TBCA: variants seen among roughly 807,000 people sequenced by gnomAD.
The protein encoded by TBCA is tubulin-specific chaperone A.
TBCA carries 6 observed loss-of-function variants against 15.8 expected under a neutral mutation model. The observed-to-expected ratio is 0.38, with a 90% CI of 0.21 to 0.75. TBCA has a LOEUF of 0.75. Ranked by LOEUF, TBCA falls within the 30% of genes least tolerant of loss-of-function variation. The pLI, the probability that TBCA is intolerant of heterozygous loss-of-function variation, is 0.46. For synonymous variants in TBCA, 32 were observed against 42.3 expected (o/e 0.76, Z 0.94); for missense variants, 90 against 131.2 (o/e 0.69, Z 1.53).
chr5:77,712,891 A>G (rs1001512500), intron 1 of TBCA, among the ~76,000 whole-genome samples: 4 of 152,192 alleles, frequency 2.6e-5, no homozygotes, highest in African/African-American at 7.2e-5. Flanking sequence ...ATATGGGCCC[A>G]AGGGTTTTCA....
chr5:77,710,947 T>C (rs1263582092), intron 1 of TBCA, among the ~76,000 whole-genome samples: 1 of 152,210 alleles, frequency 6.6e-6, no homozygotes, highest in African/African-American at 2.4e-5. Context: ...TGTGACTAAA[T>C]TCCCCTAGTA....
Position 77,776,218 on chromosome 5 carries a change from C to T in TBCA, c.40G>A (p.Gly14Ser). ...PRVRQIKIKT[G>S]VVKRLVKEKV... ...CCGGCTCCTTACCGCTTCACCACGC[C>T]GGTCTTGATCTTGATCTGTCTCACG... The change falls in exon 1 of 4, where the codon GGC becomes AGC. Residue 14 changes from glycine (G) to serine (S), a missense_variant. Gly to Ser is a moderately conservative substitution (Grantham distance 56). Coordinates refer to ENST00000380377, the MANE Select transcript of TBCA (RefSeq NM_004607.3). 2 of 1,573,122 alleles carry T rather than the reference C, an allele frequency of 1.3e-6. No individual in the cohort carries two copies. The highest frequency in any genetic ancestry group is 1.7e-6 in the Non-Finnish European group (2 of 1,160,346).
chr5:77,714,252 G>A (rs544060549), intron 1 of TBCA, among the ~76,000 whole-genome samples: 14 of 152,102 alleles, frequency 9.2e-5, no homozygotes, highest in African/African-American at 2.7e-4. Flanking sequence ...CCCGGGAGGC[G>A]GAGGCTGCAG....
intron 1 of TBCA, among the ~76,000 whole-genome samples, chr5:77,729,923 G>A (rs2662375): frequency 0.39 from 58,676 of 152,020 alleles, 11,341 homozygotes; most frequent in South Asian, 0.41. Context: ...GTTATCAAGT[G>A]TTGAGTTTAC....
chr5:77,713,503 T>C (rs1432200174), intron 1 of TBCA, among the ~76,000 whole-genome samples: 2 of 152,140 alleles, frequency 1.3e-5, no homozygotes, highest in African/African-American at 4.8e-5. Flanking sequence ...TACCTACAAA[T>C]TTTATAGACA....
intron 1 of TBCA, among the ~76,000 whole-genome samples, chr5:77,746,227 C>T (rs1300717588): frequency 2.0e-5 from 3 of 151,814 alleles, no homozygotes; most frequent in Non-Finnish European, 4.4e-5. Flanking sequence ...TCAGGAGTTC[C>T]AGACTAGACT....
At chr5:77,741,105 AT>A (rs748071102) in intron 1 of TBCA, among the ~76,000 whole-genome samples, 2 of 152,356 alleles carry the variant, frequency 1.3e-5, no homozygotes, top group South Asian at 4.1e-4. Flanking sequence ...GGCTTTAAAA[AT>A]TATGGGTGAT....
At chr5:77,694,853 T>C (rs1041045117) in intron 2 of TBCA, among the ~76,000 whole-genome samples, 3 of 152,220 alleles carry the variant, frequency 2.0e-5, no homozygotes, top group African/African-American at 4.8e-5. Flanking sequence ...TGGAAATCTA[T>C]TGTTGAACTT....
At chr5:77,769,307 A>G (rs1031818343) in intron 1 of TBCA, among the ~76,000 whole-genome samples, 3 of 152,262 alleles carry the variant, frequency 2.0e-5, no homozygotes, top group Non-Finnish European at 4.4e-5. Flanking sequence ...ACAGTGCAAA[A>G]GAGGATAAAA....
chr5:77,757,850 T>C (rs254386), intron 1 of TBCA, among the ~76,000 whole-genome samples: 34,748 of 152,166 alleles, frequency 0.23, 4,693 homozygotes, highest in Non-Finnish European at 0.31. Context: ...TGCTTTTATA[T>C]ATTTTAGAGA....
intron 1 of TBCA, among the ~76,000 whole-genome samples, chr5:77,750,895 A>C (rs1002033867): frequency 1.3e-5 from 2 of 152,180 alleles, no homozygotes; most frequent in African/African-American, 4.8e-5. Flanking sequence ...AGGTGCTTCC[A>C]GGTCATCGGT....
At chr5:77,756,557 A>G (rs1489334380) in intron 1 of TBCA, among the ~76,000 whole-genome samples, 1 of 152,138 alleles carries the variant, frequency 6.6e-6, no homozygotes, top group Non-Finnish European at 1.5e-5. Flanking sequence ...AGGAAAGGCA[A>G]TGAAGACTTT....
At chr5:77,749,994 A>G (rs1292929591) in intron 1 of TBCA, among the ~76,000 whole-genome samples, 1 of 152,200 alleles carries the variant, frequency 6.6e-6, no homozygotes, top group Non-Finnish European at 1.5e-5. Context: ...GTGCATGCAC[A>G]GAACATTTCT....
intron 1 of TBCA, among the ~76,000 whole-genome samples, chr5:77,711,555 T>C (rs1002517136): frequency 2.0e-5 from 3 of 152,162 alleles, no homozygotes; most frequent in African/African-American, 7.2e-5. Flanking sequence ...AGTCTAGAAA[T>C]CTCACTACTG....
rs566015485 is a variant in TBCA, at chr5:77,774,076, T to C, written c.53+2129A>G. On this transcript the variant is annotated intron_variant, in intron 1 of 3. Transcript: ENST00000380377. ...TGATGGGAAGAGGGGGTCAGACATG[T>C]CTCATTACACATTCCTCCCTTTGGA... 1.4e-4 allele frequency among the ~76,000 whole-genome samples: 21 copies of C among 152,290 alleles called. 1 individual carries two copies. The South Asian group carries it at 4.4e-3, about 32-fold the overall frequency.
At position 77,763,117 on chromosome 5, in the gene TBCA, G is replaced by A. The variant is rs1377225421; in HGVS notation, c.53+13088C>T. ...AAATTAGCCGGGCGTGATGGCGGGCGCCTGTAGTCCCAGCTACGCGGGAGG... is the reference window on the plus strand; with the variant it reads ...AAATTAGCCGGGCGTGATGGCGGGCACCTGTAGTCCCAGCTACGCGGGAGG... On this transcript the variant is annotated intron_variant, in intron 1 of 3. Transcript: ENST00000380377. Among the ~76,000 whole-genome samples the A allele has an allele frequency of 3.9e-5, 6 of 152,064 alleles. No individual in the cohort carries two copies. The South Asian group carries it at 1.0e-3, about 26-fold the overall frequency.
chr5:77,711,484 T>C (rs1246486748), intron 1 of TBCA, among the ~76,000 whole-genome samples: 1 of 152,216 alleles, frequency 6.6e-6, no homozygotes, highest in Non-Finnish European at 1.5e-5. Flanking sequence ...TGTATTCATA[T>C]TGTTTAATTG....
chr5:77,703,128 T>C lies in TBCA; in HGVS notation c.159+5114A>G, dbSNP rs139487794. ...AGCATATACATCTTTTTCAAAAAGA[T>C]GAATTTTACATTACTGTAACTATAT... On this transcript the variant is annotated intron_variant, in intron 2 of 3. Coordinates refer to ENST00000380377, the MANE Select transcript of TBCA (RefSeq NM_004607.3). Among the ~76,000 whole-genome samples the C allele has an allele frequency of 3.9e-3, 601 of 152,358 alleles. 6 individuals carry two copies. Among genetic ancestry groups the C allele is most frequent in the African/African-American group, 0.013 (543 of 41,578 alleles).
At chr5:77,719,810 T>C (rs1426845560) in intron 1 of TBCA, among the ~76,000 whole-genome samples, 2 of 152,102 alleles carry the variant, frequency 1.3e-5, no homozygotes, top group East Asian at 1.9e-4. Flanking sequence ...AAAAGGTCCC[T>C]CAAAGGTCCT....
Sources: allele counts gnomAD v4.1 joint callset (sites outside exome capture counted in the v4.1 genomes callset), GRCh38; gene constraint gnomAD v4.1.1; transcripts MANE v1.5; gene names NCBI Gene and HGNC (gene_info 2026-07-23, HGNC 2026-07-21).